FOXP2: variants seen among roughly 807,000 people sequenced by gnomAD.
FOXP2 encodes the protein forkhead box P2, also known as forkhead box protein P2.
In FOXP2, 12 loss-of-function variants were observed where a neutral mutation model predicts 115.8. The observed-to-expected ratio is 0.10, with a 90% CI of 0.07 to 0.17. The LOEUF (loss-of-function observed/expected upper bound fraction) is 0.17. FOXP2 is among the 10% of genes least tolerant of loss of function. The pLI, the probability that FOXP2 is intolerant of heterozygous loss-of-function variation, is 1.00. For missense variants in FOXP2, 629 were observed against 843.5 expected (o/e 0.75, Z 3.15); for synonymous variants, 328 against 297.7 (o/e 1.10, Z -1.05).
intron 2 of FOXP2, among the ~76,000 whole-genome samples, chr7:114,366,206 T>C (rs1473400535): frequency 1.3e-5 from 2 of 152,084 alleles, no homozygotes; most frequent in Non-Finnish European, 2.9e-5. Flanking sequence ...TAGCCACAGA[T>C]TTGTGACTAA....
chr7:114,102,606 A>C (rs960402619), intron 1 of FOXP2, among the ~76,000 whole-genome samples: 46 of 151,006 alleles, frequency 3.0e-4, no homozygotes, highest in African/African-American at 4.6e-4. Context: ...AAAAAAAAAA[A>C]CCCATTCTTA....
At chr7:114,394,420 C>A (rs1187851680) in intron 2 of FOXP2, among the ~76,000 whole-genome samples, 1 of 151,308 alleles carries the variant, frequency 6.6e-6, no homozygotes, top group Non-Finnish European at 1.5e-5. Context: ...CACACACACA[C>A]AAGCAAACAC....
At position 114,217,951 on chromosome 7, in the gene FOXP2, A is replaced by G. The variant is rs141179110; in HGVS notation, c.-102+54863A>G. Among the ~76,000 whole-genome samples, 480 of 152,286 alleles carry G rather than the reference A, an allele frequency of 3.2e-3. 4 individuals carry two copies. Among genetic ancestry groups the G allele is most frequent in the African/African-American group, 0.011 (459 of 41,570 alleles). On this transcript the variant is annotated intron_variant, in intron 1 of 17. Coordinates refer to the FOXP2 transcript ENST00000634411. ...TTGATTCTTGGTCCCTCTCTGAGTA[A>G]GACCCCTTCTCAGCTTAGGCATGGA...
chr7:114,323,844 A>G (rs1797488817), intron 2 of FOXP2, among the ~76,000 whole-genome samples: 1 of 151,960 alleles, frequency 6.6e-6, no homozygotes, highest in Non-Finnish European at 1.5e-5. Flanking sequence ...CTTCACAGCT[A>G]TTATAACTAA....
intron 1 of FOXP2, among the ~76,000 whole-genome samples, chr7:114,132,260 C>T (rs1791899664): frequency 6.6e-6 from 1 of 151,868 alleles, no homozygotes; most frequent in Admixed American, 6.6e-5. Flanking sequence ...CTACTTTTTT[C>T]CCCTTCATTC....
chr7:114,363,424 G>C (rs978820149), intron 2 of FOXP2, among the ~76,000 whole-genome samples: 1 of 152,034 alleles, frequency 6.6e-6, no homozygotes, highest in Non-Finnish European at 1.5e-5. Flanking sequence ...TGTTATGTGG[G>C]AAAAAGTATG....
intron 2 of FOXP2, among the ~76,000 whole-genome samples, chr7:114,431,069 A>G (rs1794087670): frequency 6.6e-6 from 1 of 151,916 alleles, no homozygotes; most frequent in Non-Finnish European, 1.5e-5. Flanking sequence ...TGCATTCTTA[A>G]GTTCCATTCA....
intron 2 of FOXP2, among the ~76,000 whole-genome samples, chr7:114,317,705 C>G (rs1366758417): frequency 1.3e-5 from 2 of 152,118 alleles, no homozygotes; most frequent in East Asian, 3.9e-4. Flanking sequence ...CCTCCATCCC[C>G]TCCCTCCCTT....
chr7:114,286,312 C>T (rs531349362), intron 1 of FOXP2, among the ~76,000 whole-genome samples: 1 of 151,948 alleles, frequency 6.6e-6, no homozygotes, highest in South Asian at 2.1e-4. Context: ...TCTCTCTTTG[C>T]CCTTCATTTT....
At chr7:114,580,523 A>G (rs2129301222) in intron 3 of FOXP2, among the ~76,000 whole-genome samples, 1 of 152,344 alleles carries the variant, frequency 6.6e-6, no homozygotes, top group Non-Finnish European at 1.5e-5. Context: ...GGTTGCAGTG[A>G]GCTGAGATCA....
rs191245091 is a variant in FOXP2, at chr7:114,691,198, G to T, written c.*1272G>T. 2.2e-4 allele frequency: 100 copies of T among 453,938 alleles called. No individual in the cohort carries two copies. The highest frequency in any genetic ancestry group is 1.9e-3 in the African/African-American group (97 of 50,080). 28.1% of individuals were successfully genotyped at this position (453,938 alleles called of 1,614,324 possible). A position where few individuals can be genotyped will look rare whatever the true frequency, so the allele number is the denominator to read the frequency against. ...CAGTTATTTTCAGTGGTGAATACAT[G>T]TTGTTAGAAGATGTCTTGTATGGTC... On this transcript the variant is annotated 3_prime_UTR_variant, in exon 17 of 17. Transcript: ENST00000350908.
intron 1 of FOXP2, among the ~76,000 whole-genome samples, chr7:114,200,654 A>G (rs111377116): frequency 0.022 from 3,401 of 152,302 alleles, 55 homozygotes; most frequent in Middle Eastern, 0.034. Context: ...AGTTGATGCC[A>G]TTTGACCAAG....
chr7:114,605,243 T>C (rs1803250448), intron 3 of FOXP2, among the ~76,000 whole-genome samples: 1 of 152,160 alleles, frequency 6.6e-6, no homozygotes, highest in African/African-American at 2.4e-5. Context: ...TACTGGAGCA[T>C]GCCAAAAGTA....
At chr7:114,406,715 GAAGAGT>G (rs965915343) in intron 2 of FOXP2, among the ~76,000 whole-genome samples, 1 of 151,866 alleles carries the variant, frequency 6.6e-6, no homozygotes, top group Non-Finnish European at 1.5e-5. Flanking sequence ...CTAGAGAGAG[GAAGAGT>G]AAAAGCCATA....
chr7:114,649,497 A>C (rs1322518090), intron 8 of FOXP2, among the ~76,000 whole-genome samples: 1 of 152,154 alleles, frequency 6.6e-6, no homozygotes, highest in Non-Finnish European at 1.5e-5. Context: ...TTTATAAATC[A>C]TAGAGAATTT....
Position 114,692,434 on chromosome 7 carries a change from G to T in FOXP2, c.*2508G>T, listed in dbSNP as rs1167575248. 2.2e-6 allele frequency: 1 copy of T among 449,738 alleles called. No individual in the cohort carries two copies. The highest frequency in any genetic ancestry group is 4.4e-6 in the Non-Finnish European group (1 of 225,452). The allele number at this position is 449,738 out of a possible 1,614,324, so 27.9% of individuals were successfully genotyped here. ...GAAAATAGATTTTAGGTTTTTTGGA[G>T]TTTCCTGAAATGCTTGGTCTGTATT... On this transcript the variant is annotated 3_prime_UTR_variant, in exon 17 of 17. Coordinates refer to ENST00000350908, the MANE Select transcript of FOXP2 (RefSeq NM_014491.4).
chr7:114,666,412 A>T (rs1807165558), intron 16 of FOXP2: 1 of 152,090 alleles, frequency 6.6e-6, no homozygotes. Flanking sequence ...TTTATGAAAT[A>T]TTTCAGTATT....
intron 2 of FOXP2, among the ~76,000 whole-genome samples, chr7:114,452,038 C>G (rs1795097620): frequency 2.6e-5 from 4 of 151,912 alleles, no homozygotes. Context: ...CCCCATAGAT[C>G]AGACACATAT....
intron 1 of FOXP2, among the ~76,000 whole-genome samples, chr7:114,171,245 G>GA (rs1234960474): frequency 1.3e-5 from 2 of 152,200 alleles, no homozygotes; most frequent in Admixed American, 1.3e-4. Context: ...TCCTGCTCAG[G>GA]AAAAAAGTTT....
Sources: gnomAD v4.1 joint callset for allele counts (sites outside exome capture counted in the v4.1 genomes callset) on GRCh38, gnomAD v4.1.1 for gene constraint, MANE v1.5 for transcripts, NCBI Gene and HGNC (gene_info 2026-07-23, HGNC 2026-07-21) for gene names.